Variants in GTF2B observed in about 807,000 individuals in gnomAD.
GTF2B encodes general transcription factor IIB.
Under a neutral mutation model 34.6 loss-of-function variants are expected in GTF2B, and 20 were observed. The observed-to-expected ratio is 0.58, with a 90% CI of 0.41 to 0.84. GTF2B has a LOEUF of 0.84. GTF2B is among the 40% of genes least tolerant of loss of function. GTF2B has a pLI of 0.00. For missense variants in GTF2B, 237 were observed against 393.3 expected, an observed-to-expected ratio of 0.60 and a Z score of 3.36; for synonymous variants, 142 against 132.4, an observed-to-expected ratio of 1.07 and a Z score of -0.50.
intron 2 of GTF2B, among the ~76,000 whole-genome samples, chr1:88,864,389 T>C (rs1288733001): frequency 6.6e-6 from 1 of 152,218 alleles, no homozygotes; most frequent in East Asian, 1.9e-4. Context: ...GCTATTCATA[T>C]GTGATGCAAA....
intron 2 of GTF2B, among the ~76,000 whole-genome samples, chr1:88,885,340 T>C (rs2100980475): frequency 6.6e-6 from 1 of 152,118 alleles, no homozygotes; most frequent in East Asian, 1.9e-4. Flanking sequence ...TTCGGGAGGC[T>C]GAGGCAGGAG....
At chr1:88,889,221 G>C (rs779457112) in intron 1 of GTF2B, among the ~76,000 whole-genome samples, 2 of 152,174 alleles carry the variant, frequency 1.3e-5, no homozygotes, top group Admixed American at 6.5e-5. Context: ...ACTTTTCATG[G>C]TTTTAGTCTA....
chr1:88,874,534 C>T (rs1265486976), intron 2 of GTF2B, among the ~76,000 whole-genome samples: 1 of 140,694 alleles, frequency 7.1e-6, no homozygotes, highest in Non-Finnish European at 1.5e-5. Flanking sequence ...TTACAGACAC[C>T]GTCTCACTAC....
intron 2 of GTF2B, among the ~76,000 whole-genome samples, chr1:88,866,300 G>A (rs1673558920): frequency 6.6e-6 from 1 of 152,220 alleles, no homozygotes; most frequent in Non-Finnish European, 1.5e-5. Flanking sequence ...GCTGCAGGGA[G>A]CCATGATTAC....
At chr1:88,863,829 T>G (rs1043763242) in intron 3 of GTF2B, 152 bp downstream of exon 3, 3 of 664,042 alleles carry the variant, frequency 4.5e-6, no homozygotes, top group Non-Finnish European at 8.1e-6. Flanking sequence ...ACACACAAGT[T>G]AGCCATCATT....
At chr1:88,888,637 A>G (rs376888562) in intron 1 of GTF2B, among the ~76,000 whole-genome samples, 4 of 152,236 alleles carry the variant, frequency 2.6e-5, no homozygotes, top group African/African-American at 9.6e-5. Flanking sequence ...CTGCAGTATT[A>G]AAAAGTAGAT....
At chr1:88,866,828 G>A (rs1673569633) in intron 2 of GTF2B, among the ~76,000 whole-genome samples, 2 of 152,202 alleles carry the variant, frequency 1.3e-5, no homozygotes, top group African/African-American at 2.4e-5. Flanking sequence ...TGCCATCCCT[G>A]TATGCAAGGA....
At chr1:88,865,593 T>C (rs900110766) in intron 2 of GTF2B, among the ~76,000 whole-genome samples, 3 of 152,014 alleles carry the variant, frequency 2.0e-5, no homozygotes, top group Non-Finnish European at 2.9e-5. Flanking sequence ...TGGTGGCACA[T>C]GCCTGTAATC....
chr1:88,867,791 ATTT>A (rs1040718179), intron 2 of GTF2B, among the ~76,000 whole-genome samples: 33 of 151,860 alleles, frequency 2.2e-4, no homozygotes, highest in Non-Finnish European at 7.4e-5. Context: ...GACAAGATGG[ATTT>A]TTTATTTTTT....
At chr1:88,859,297 A>T (rs926006118) in intron 5 of GTF2B, among the ~76,000 whole-genome samples, 5 of 152,232 alleles carry the variant, frequency 3.3e-5, no homozygotes, top group Non-Finnish European at 7.3e-5. Context: ...CTGAAAGCCC[A>T]CAAAGCAACA....
intron 2 of GTF2B, among the ~76,000 whole-genome samples, chr1:88,882,337 A>AAAAAAAAAAC (rs1557661028): frequency 2.8e-5 from 4 of 143,644 alleles, no homozygotes; most frequent in African/African-American, 1.0e-4. Context: ...AAAAAAAAAA[A>AAAAAAAAAAC]CGCTACAGAG....
chr1:88,857,064 G>C, intron 6 of GTF2B, 142 bp downstream of exon 6: 2 of 715,806 alleles, frequency 2.8e-6, no homozygotes, highest in South Asian at 1.8e-5. Context: ...GCCTTCCAAA[G>C]TGCTGAGATT....
chr1:88,864,856 T>G (rs2100967248), intron 2 of GTF2B, among the ~76,000 whole-genome samples: 1 of 152,356 alleles, frequency 6.6e-6, no homozygotes, highest in South Asian at 2.1e-4. Flanking sequence ...GTAAATGTTC[T>G]CACTTAATCT....
chr1:88,881,137 A>G (rs1673929462), intron 2 of GTF2B, among the ~76,000 whole-genome samples: 1 of 151,572 alleles, frequency 6.6e-6, no homozygotes, highest in Admixed American at 6.6e-5. Context: ...GAAGCTCCAA[A>G]AGCCAGAATA....
At chr1:88,876,388 A>C (rs1056680616) in intron 2 of GTF2B, among the ~76,000 whole-genome samples, 3 of 152,156 alleles carry the variant, frequency 2.0e-5, no homozygotes, top group African/African-American at 7.2e-5. Flanking sequence ...AAAAAAAACA[A>C]GGGGGAAGCC....
chr1:88,858,696 T>TTAAGTA (rs1158615161), intron 5 of GTF2B: 15 of 152,068 alleles, frequency 9.9e-5, no homozygotes, highest in Non-Finnish European at 2.1e-4. Flanking sequence ...GAATAAAGGG[T>TTAAGTA]TAAGTATAGT....
At chr1:88,861,835 A>C (rs1253270818) in intron 3 of GTF2B, among the ~76,000 whole-genome samples, 1 of 152,198 alleles carries the variant, frequency 6.6e-6, no homozygotes, top group Non-Finnish European at 1.5e-5. Flanking sequence ...CTGTCTCAAA[A>C]GAAGAAAACC....
intron 2 of GTF2B, among the ~76,000 whole-genome samples, chr1:88,885,386 G>A (rs1228722578): frequency 6.6e-6 from 1 of 151,720 alleles, no homozygotes; most frequent in Non-Finnish European, 1.5e-5. Flanking sequence ...GTTGCAGTGA[G>A]CTGGGATCGC....
rs1479606852 is a variant in GTF2B, at chr1:88,891,562, T to G, written c.-63A>C. 1.3e-6 allele frequency: 2 copies of G among 1,487,828 alleles called. No individual in the cohort carries two copies. The highest frequency in any genetic ancestry group is 9.3e-7 in the Non-Finnish European group (1 of 1,080,112). The allele number at this position is 1,487,828 out of a possible 1,614,324, so 92.2% of individuals were successfully genotyped here. On this transcript the variant is annotated 5_prime_UTR_variant, in exon 1 of 7. Coordinates refer to ENST00000370500, the MANE Select transcript of GTF2B (RefSeq NM_001514.6). ...AGACACACCGAAAGCAGGAAGCGAATGTGGCGAAGAGACGCGCAGAGATGA... is the reference window on the plus strand; with the variant it reads ...AGACACACCGAAAGCAGGAAGCGAAGGTGGCGAAGAGACGCGCAGAGATGA...
Sources: allele counts gnomAD v4.1 joint callset (sites outside exome capture counted in the v4.1 genomes callset), GRCh38; gene constraint gnomAD v4.1.1; transcripts MANE v1.5; gene names NCBI Gene and HGNC (gene_info 2026-07-23, HGNC 2026-07-21).